PTBP3: variants seen among roughly 807,000 people sequenced by gnomAD.
PTBP3 encodes the protein polypyrimidine tract-binding protein 3.
In PTBP3, 20 loss-of-function variants were observed where a neutral mutation model predicts 58.7. The observed-to-expected ratio is 0.34, with a 90% CI of 0.24 to 0.50. The LOEUF (loss-of-function observed/expected upper bound fraction) is 0.50, where lower values mean the gene tolerates loss of function less well. Ranked by LOEUF, PTBP3 falls within the 20% of genes least tolerant of loss-of-function variation. The pLI, the probability that PTBP3 is intolerant of heterozygous loss-of-function variation, is 0.98. For missense variants in PTBP3, 509 were observed against 637.2 expected (o/e 0.80, Z 2.17); for synonymous variants, 185 against 219.8 (o/e 0.84, Z 1.40).
intron 12 of PTBP3, among the ~76,000 whole-genome samples, chr9:112,225,954 A>T (rs1834972954): frequency 2.0e-5 from 3 of 152,116 alleles, no homozygotes; most frequent in Admixed American, 2.0e-4. Context: ...TGAGGTGGGA[A>T]GATCACTTGA....
intron 2 of PTBP3, among the ~76,000 whole-genome samples, chr9:112,291,495 T>C (rs151076894): frequency 1.3e-5 from 2 of 152,292 alleles, no homozygotes; most frequent in East Asian, 3.9e-4. Flanking sequence ...ATTCAAACAG[T>C]ATGTTACTGA....
chr9:112,262,304 T>TG (rs1263111811), intron 5 of PTBP3, 131 bp downstream of exon 5: 4 of 734,678 alleles, frequency 5.4e-6, no homozygotes, highest in Non-Finnish European at 7.8e-6. Flanking sequence ...TGAAATTAGA[T>TG]GAAGTTTTTT....
intron 2 of PTBP3, among the ~76,000 whole-genome samples, chr9:112,295,222 CAG>C (rs1564442102): frequency 2.8e-5 from 4 of 142,370 alleles, no homozygotes; most frequent in African/African-American, 7.9e-5. Flanking sequence ...CTGGGCGAGA[CAG>C]AGCAATACTC....
chr9:112,231,334 CA>C, intron 10 of PTBP3, 45 bp downstream of exon 10: 1 of 1,469,238 alleles, frequency 6.8e-7, no homozygotes, highest in South Asian at 1.3e-5. Flanking sequence ...GAAATGTGCT[CA>C]ATTCACACCT....
At chr9:112,268,720 A>G (rs1827228921) in intron 3 of PTBP3, among the ~76,000 whole-genome samples, 1 of 151,820 alleles carries the variant, frequency 6.6e-6, no homozygotes, top group Non-Finnish European at 1.5e-5. Context: ...CTCAAAAAAA[A>G]AAAAAAAAAA....
At chr9:112,316,788 A>G (rs1203589977) in intron 1 of PTBP3, among the ~76,000 whole-genome samples, 38 of 151,894 alleles carry the variant, frequency 2.5e-4, no homozygotes, top group Admixed American at 2.5e-3. Flanking sequence ...TGTGGCCAAC[A>G]TGGCGAAACA....
chr9:112,244,337 T>C (rs1404446720), intron 7 of PTBP3, among the ~76,000 whole-genome samples: 1 of 133,570 alleles, frequency 7.5e-6, no homozygotes, highest in Non-Finnish European at 1.6e-5. Context: ...ACAAAAAATG[T>C]GCAAATCTTT....
chr9:112,270,274 C>T (rs1453758218), intron 3 of PTBP3, among the ~76,000 whole-genome samples: 1 of 152,084 alleles, frequency 6.6e-6, no homozygotes, highest in Non-Finnish European at 1.5e-5. Flanking sequence ...AATTAACACC[C>T]ATGTTACATT....
At chr9:112,361,544 T>C in the PTBP3 span, among the ~76,000 whole-genome samples, 1 of 55,736 alleles carries the variant, frequency 1.8e-5, no homozygotes, top group Non-Finnish European at 3.4e-5. Flanking sequence ...CATTAAGACA[T>C]TTAAATTTCT....
chr9:112,319,172 C>CA (rs941112559), intron 1 of PTBP3, among the ~76,000 whole-genome samples: 55 of 136,084 alleles, frequency 4.0e-4, no homozygotes, highest in South Asian at 2.7e-3. Flanking sequence ...ACAATAGCTA[C>CA]AAAAAAAAAA....
At chr9:112,307,955 G>C (rs1829296768) in intron 1 of PTBP3, among the ~76,000 whole-genome samples, 2 of 152,200 alleles carry the variant, frequency 1.3e-5, no homozygotes, top group Non-Finnish European at 1.5e-5. Context: ...TTGGTGTTTT[G>C]TTGTTGTTAG....
At chr9:112,252,651 G>T in intron 6 of PTBP3, 27 bp downstream of exon 6, 1 of 1,500,112 alleles carries the variant, frequency 6.7e-7, no homozygotes, top group Non-Finnish European at 9.3e-7. Context: ...ATTAACAATT[G>T]AAAAATGAAA....
At chr9:112,333,656 C>G (rs1229436952), upstream of PTBP3, 1 of 588,418 alleles carries the variant, frequency 1.7e-6, no homozygotes. Context: ...CTCCCGCCAC[C>G]GCCGCGCCCC....
intron 4 of PTBP3, among the ~76,000 whole-genome samples, chr9:112,264,647 C>T (rs145544754): frequency 5.9e-5 from 9 of 152,188 alleles, no homozygotes; most frequent in East Asian, 1.9e-4. Flanking sequence ...GCAAGTTGGA[C>T]GTTAGGTTTG....
intron 8 of PTBP3, 127 bp downstream of exon 8, chr9:112,234,693 T>C (rs911762124): frequency 1.2e-5 from 10 of 803,720 alleles, no homozygotes; most frequent in Non-Finnish European, 2.0e-5. Context: ...ACTACACTTC[T>C]ACAGCTGATA....
At chr9:112,322,990 G>C (rs1830015094) in intron 1 of PTBP3, among the ~76,000 whole-genome samples, 1 of 152,256 alleles carries the variant, frequency 6.6e-6, no homozygotes, top group Non-Finnish European at 1.5e-5. Flanking sequence ...GCTCATGCCT[G>C]TAATCCCAAG....
intron 2 of PTBP3, among the ~76,000 whole-genome samples, chr9:112,296,836 T>C (rs1197935097): frequency 2.6e-5 from 4 of 152,158 alleles, no homozygotes; most frequent in African/African-American, 9.7e-5. Context: ...AAGTCCAAGT[T>C]CAAAACCTGG....
chr9:112,259,359 A>G (rs545646007), intron 5 of PTBP3, among the ~76,000 whole-genome samples: 3 of 152,326 alleles, frequency 2.0e-5, no homozygotes, highest in African/African-American at 7.2e-5. Context: ...TACCCAATAT[A>G]AGAAATTATA....
chr9:112,324,618 C>A (rs1398290130), intron 1 of PTBP3, among the ~76,000 whole-genome samples: 2 of 150,952 alleles, frequency 1.3e-5, no homozygotes, highest in Non-Finnish European at 2.9e-5. Context: ...CCACTGCACT[C>A]CAGCCTGGGT....
Sources: gnomAD v4.1 joint callset for allele counts (sites outside exome capture counted in the v4.1 genomes callset) on GRCh38, gnomAD v4.1.1 for gene constraint, MANE v1.5 for transcripts, NCBI Gene and HGNC (gene_info 2026-07-23, HGNC 2026-07-21) for gene names.